The following TELO2 variants were observed in gnomAD, a reference collection of about 807,000 sequenced individuals.
TELO2 encodes telomere length regulation protein TEL2 homolog.
TELO2 carries 71 observed loss-of-function variants against 91.0 expected under a neutral mutation model. The ratio of observed to expected loss-of-function variants is 0.78; its 90% confidence interval spans 0.64 to 0.95. The LOEUF (loss-of-function observed/expected upper bound fraction) is 0.95. Among genes scored for constraint, TELO2 ranks in the 40% least tolerant of loss-of-function variants. TELO2 has a pLI of 0.00. For missense variants in TELO2, 1,183 were observed against 1,141.3 expected, an observed-to-expected ratio of 1.04 and a Z score of -0.53; for synonymous variants, 584 against 518.9, an observed-to-expected ratio of 1.13 and a Z score of -1.71.
At position 1,505,628 on chromosome 16, in the gene TELO2, C is replaced by T. The variant is rs1290074939; in HGVS notation, c.2034+27C>T. The T allele has an allele frequency of 2.1e-5, 18 of 867,600 alleles. No individual in the cohort carries two copies. Among genetic ancestry groups the T allele is most frequent in the East Asian group, 6.7e-5 (2 of 29,818 alleles). The allele number at this position is 867,600 out of a possible 1,614,324, so 53.7% of individuals were successfully genotyped here. A position where few individuals can be genotyped will look rare whatever the true frequency, so the allele number is the denominator to read the frequency against. On this transcript the variant is annotated intron_variant, in intron 16 of 20. Transcript: ENST00000262319. This position sits in a 1 kb window ranked among gnomAD's most constrained non-coding sequence, Gnocchi z 4.3. ...TTAGTGGCGCCTGGTCAGCTCCTCA[C>T]GGGCATGGGGACCGTGGGTGGGTGG...
In TELO2 at chr16:1,507,849, G is replaced by GGT. The variant is rs560652753; in HGVS notation, c.2407+177_2407+178dup. ...GTGTGTGTGATGTGTGTTGGCCCGG[G>GGT]GTGTGTGTGTGTGTGTGTGTGTGTG... On this transcript the variant is annotated intron_variant, in intron 20 of 20. Coordinates refer to ENST00000262319, the MANE Select transcript of TELO2 (RefSeq NM_016111.4). 2.2e-3 allele frequency: 665 copies of GGT among 308,094 alleles called. 3 individuals are homozygous for GGT. Among genetic ancestry groups the GGT allele is most frequent in the South Asian group, 3.9e-3 (124 of 31,448 alleles). 19.1% of individuals were successfully genotyped at this position (308,094 alleles called of 1,614,324 possible).
At chr16:1,502,540 C>A in intron 13 of TELO2, 105 bp from the exon 14 acceptor site, 1 of 1,512,508 alleles carries the variant, frequency 6.6e-7, no homozygotes, top group Non-Finnish European at 8.9e-7. Flanking sequence ...GGCCTGCGGC[C>A]TGGGGCCTCT....
In TELO2 at chr16:1,497,178, G is replaced by T; in HGVS notation, c.682+74G>T. 1 of 1,584,852 alleles carries T rather than the reference G, an allele frequency of 6.3e-7. No homozygotes were observed. On this transcript the variant is annotated intron_variant, in intron 4 of 20. Transcript: ENST00000262319. This position sits in a 1 kb window ranked among gnomAD's most constrained non-coding sequence, Gnocchi z 4.0. ...CCATCAGCCTTCTGCAGAAGGCCGA[G>T]AATCCCTCCTGACCCTGGCCCTCTG...
At position 1,501,689 on chromosome 16, in the gene TELO2, A is replaced by C; in HGVS notation, c.1388A>C (p.Glu463Ala). The stretch of plus-strand genomic sequence containing the variant: ...ACGTCCCTCGTTCCAGCCACGGCAG[A>C]GCCCCCTGCAGAGACCCCCGCAGAG... The part of the protein sequence containing the change: ...AGTSLVPATA[E>A]PPAETPAEIV... The change falls in exon 11 of 21, where the codon GAG (glutamate) becomes GCG (alanine). Residue 463 changes from glutamate to alanine, a missense_variant. Coordinates refer to ENST00000262319, the MANE Select transcript of TELO2 (RefSeq NM_016111.4). 1 of 1,610,720 alleles carries C rather than the reference A, an allele frequency of 6.2e-7. No homozygotes were observed. The highest frequency in any genetic ancestry group is 1.1e-5 in the South Asian group (1 of 90,796).
intron 20 of TELO2, 150 bp from the exon 21 acceptor site, chr16:1,509,680 T>TG (rs2040059497): frequency 1.5e-6 from 1 of 680,012 alleles, no homozygotes; most frequent in Non-Finnish European, 2.5e-6. Flanking sequence ...CCCAAGGCCG[T>TG]GGGGAGAGTC....
intron 2 of TELO2, 35 bp from the exon 3 acceptor site, chr16:1,495,311 G>T (rs1220554071): frequency 6.6e-7 from 1 of 1,507,328 alleles, no homozygotes; most frequent in South Asian, 1.3e-5. Flanking sequence ...GAGGATGGGG[G>T]TTGGCGGCTC....
intron 18 of TELO2, 127 bp downstream of exon 18, chr16:1,507,178 G>C: frequency 6.7e-7 from 1 of 1,487,556 alleles, no homozygotes; most frequent in East Asian, 2.4e-5. Flanking sequence ...CCCGGGCAGC[G>C]GGAGCATCCC....
chr16:1,499,349 AG>A lies in TELO2; in HGVS notation c.933+19del. ...CCGGCTCACGGTGAGGACGCCACGG[AG>A]GGTGCAGGCTGCTGGCTGCCCCATC... is the stretch of plus-strand genomic sequence containing the variant. On this transcript the variant is annotated intron_variant, in intron 6 of 20. Transcript: ENST00000262319. 1.2e-6 allele frequency: 2 copies of A among 1,613,164 alleles called. No individual in the cohort carries two copies. Among genetic ancestry groups the A allele is most frequent in the Non-Finnish European group, 1.7e-6 (2 of 1,179,510 alleles).
At chr16:1,507,285 T>A (rs546867217) in intron 18 of TELO2, 21 bp from the exon 19 acceptor site, 1 of 1,606,126 alleles carries the variant, frequency 6.2e-7, no homozygotes, top group Admixed American at 1.7e-5. Context: ...CCCCACTGAC[T>A]GTCCCTCTGC....
In TELO2 at chr16:1,501,518, CG is replaced by C. The variant is rs969094701; in HGVS notation, c.1361+22del. 8.8e-6 allele frequency: 14 copies of C among 1,597,576 alleles called. No homozygotes were observed. Among genetic ancestry groups the C allele is most frequent in the Non-Finnish European group, 1.2e-5 (14 of 1,171,272 alleles). ...AGGCGGGGTGAGGGTCTCTGCCCCCCGGGACCCCACCGCGTGCACATCTTAC... is the reference window on the plus strand; with the variant it reads ...AGGCGGGGTGAGGGTCTCTGCCCCCCGGACCCCACCGCGTGCACATCTTAC... On this transcript the variant is annotated intron_variant, in intron 10 of 20. Coordinates refer to ENST00000262319, the MANE Select transcript of TELO2 (RefSeq NM_016111.4).
In TELO2 at chr16:1,494,866, G is replaced by T. The variant is rs953387080; in HGVS notation, c.335+250G>T. On this transcript the variant is annotated intron_variant, in intron 2 of 20. Transcript: ENST00000262319. The surrounding 1 kb of genome is among the most constrained non-coding windows in gnomAD (Gnocchi z 5.6). ...TGTCAGAGAGGGATGGGGTGGGAGT[G>T]TTCACATCCCAGGCGGCAGAGGCAG... Among the ~76,000 whole-genome samples, 7 of 152,220 alleles carry T rather than the reference G, an allele frequency of 4.6e-5. 1 individual carries two copies. Among genetic ancestry groups the T allele is most frequent in the Admixed American group, 4.6e-4 (7 of 15,282 alleles).
chr16:1,496,992 G>A (rs1567294097), intron 3 of TELO2, 44 bp from the exon 4 acceptor site: 3 of 1,597,102 alleles, frequency 1.9e-6, no homozygotes, highest in South Asian at 1.1e-5. Context: ...GTTCTTTTGT[G>A]CCTTCCCGCC....
chr16:1,501,870 C>T lies in TELO2; in HGVS notation c.1472+97C>T, dbSNP rs559400385. Reference sequence around the variant, plus strand: ...GGCCCCGTGGGGGGCTCCCTGCCTGCTCCGTGCTTCTTCTCTTTCGTCCTC... The same window carrying T: ...GGCCCCGTGGGGGGCTCCCTGCCTGTTCCGTGCTTCTTCTCTTTCGTCCTC... On this transcript the variant is annotated intron_variant, in intron 11 of 20. Coordinates refer to ENST00000262319, the MANE Select transcript of TELO2 (RefSeq NM_016111.4). 2.6e-5 allele frequency: 38 copies of T among 1,450,628 alleles called. No individual in the cohort carries two copies. In the East Asian group the frequency reaches 5.9e-4, roughly 22 times the overall value. 89.9% of individuals were successfully genotyped at this position (1,450,628 alleles called of 1,614,324 possible). A position where few individuals can be genotyped will look rare whatever the true frequency, so the allele number is the denominator to read the frequency against.
chr16:1,499,954 A>G, intron 6 of TELO2, 142 bp from the exon 7 acceptor site: 6 of 965,598 alleles, frequency 6.2e-6, no homozygotes, highest in Non-Finnish European at 8.9e-6. Flanking sequence ...CCCGCATTCC[A>G]GGAGGCAGTG....
At chr16:1,495,793 G>A (rs755796642) in intron 3 of TELO2, among the ~76,000 whole-genome samples, 170 bp downstream of exon 3, 21 of 152,240 alleles carry the variant, frequency 1.4e-4, no homozygotes, top group Non-Finnish European at 2.5e-4. Flanking sequence ...GGGCTCATCC[G>A]CTGTGGGCTG....
At chr16:1,506,531 C>T (rs1596270063) in intron 17 of TELO2, 2 of 1,439,472 alleles carry the variant, frequency 1.4e-6, no homozygotes, top group Non-Finnish European at 9.1e-7. Flanking sequence ...CCATGAGGCA[C>T]CAGGCATCTG....
Position 1,505,250 on chromosome 16 carries a change from T to G in TELO2, c.1843-160T>G. 158 of 816,558 alleles carry G rather than the reference T, an allele frequency of 1.9e-4. No homozygotes were observed. The highest frequency in any genetic ancestry group is 2.6e-4 in the Non-Finnish European group (140 of 539,118). The allele number at this position is 816,558 out of a possible 1,614,324, so 50.6% of individuals were successfully genotyped here. ...CCCGCCTACCAAGGCGCGGTTGCTG[T>G]GAGCTACGGGGAAGTGACTTTTCTC... On this transcript the variant is annotated intron_variant, in intron 15 of 20. Transcript: ENST00000262319. This position sits in a 1 kb window ranked among gnomAD's most constrained non-coding sequence, Gnocchi z 4.3.
At chr16:1,500,284 G>C in intron 7 of TELO2, 63 bp from the exon 8 acceptor site, 1 of 1,535,750 alleles carries the variant, frequency 6.5e-7, no homozygotes, top group Non-Finnish European at 8.7e-7. Flanking sequence ...CAGAGTGGCT[G>C]TGGGCCTGGC....
At chr16:1,507,074 G>A in intron 18 of TELO2, 23 bp downstream of exon 18, 1 of 1,581,656 alleles carries the variant, frequency 6.3e-7, no homozygotes, top group Non-Finnish European at 8.6e-7. Flanking sequence ...AGGTCGCCGG[G>A]CGCCGGCCTG....
Sources: allele counts gnomAD v4.1 joint callset (sites outside exome capture counted in the v4.1 genomes callset), GRCh38; gene constraint gnomAD v4.1.1; non-coding constraint Gnocchi (gnomAD v3.1); transcripts MANE v1.5; gene names NCBI Gene and HGNC (gene_info 2026-07-23, HGNC 2026-07-21).